ZBTB47: variants seen among roughly 807,000 people sequenced by gnomAD.
The protein encoded by ZBTB47 is zinc finger and BTB domain containing 47, also known as zinc finger and BTB domain-containing protein 47.
Under a neutral mutation model 56.6 loss-of-function variants are expected in ZBTB47, and 24 were observed. That is an observed-to-expected ratio of 0.42 (90% CI 0.31 to 0.60). The LOEUF is 0.60. Among genes scored for constraint, ZBTB47 ranks in the 20% least tolerant of loss-of-function variants. The pLI, the probability that ZBTB47 is intolerant of heterozygous loss-of-function variation, is 0.14. For missense variants in ZBTB47, 829 were observed against 1,032.6 expected, an observed-to-expected ratio of 0.80 and a Z score of 2.70; for synonymous variants, 414 against 418.9, an observed-to-expected ratio of 0.99 and a Z score of 0.14.
rs1710785347 is a variant in ZBTB47 at position 42,666,077 on chromosome 3, C to A, written c.*1479C>A. ...GTTAGGGGGACTGAACCCCTCTGAC[C>A]TTATGAGGCCCATGGCACTGGGGCA... is the stretch of plus-strand genomic sequence containing the variant. On this transcript the variant is annotated 3_prime_UTR_variant, in exon 6 of 6. Transcript: ENST00000232974. 6.6e-6 allele frequency among the ~76,000 whole-genome samples: 1 copy of A among 152,210 alleles called. No homozygotes were observed. Among genetic ancestry groups the A allele is most frequent in the South Asian group, 2.1e-4 (1 of 4,834 alleles).
intron 1 of ZBTB47, among the ~76,000 whole-genome samples, 195 bp from the exon 2 acceptor site, chr3:42,658,080 G>A (rs1710658916): frequency 6.6e-6 from 1 of 152,256 alleles, no homozygotes; most frequent in South Asian, 2.1e-4. Flanking sequence ...AGGGTCACGA[G>A]TGGAGCCTGA....
Position 42,666,867 on chromosome 3 carries a change from C to T in ZBTB47, c.*2269C>T, listed in dbSNP as rs551536072. 4.2e-4 allele frequency among the ~76,000 whole-genome samples: 64 copies of T among 152,314 alleles called. No individual in the cohort carries two copies. Among genetic ancestry groups the T allele is most frequent in the African/African-American group, 1.5e-3 (62 of 41,584 alleles). ...GCTTGACAGCTGGTCAAGACGGTCACGGGAGCTCTAGGTGGGCACAACCAA... is the reference window on the plus strand; with the variant it reads ...GCTTGACAGCTGGTCAAGACGGTCATGGGAGCTCTAGGTGGGCACAACCAA... On this transcript the variant is annotated 3_prime_UTR_variant, in exon 6 of 6. Coordinates refer to ENST00000232974, the MANE Select transcript of ZBTB47 (RefSeq NM_145166.4).
rs887205745 is a variant in ZBTB47 at position 42,665,915 on chromosome 3, C to T, written c.*1317C>T. 1 of 152,376 alleles carries T rather than the reference C, an allele frequency of 6.6e-6. No homozygotes were observed. Among genetic ancestry groups the T allele is most frequent in the Non-Finnish European group, 1.5e-5 (1 of 68,032 alleles). The allele number at this position is 152,376 out of a possible 1,614,324, so 9.4% of individuals were successfully genotyped here. Reference sequence around the variant, plus strand: ...GAAGGTTCCATAAGCTACATGTTTCCTAGTTAAGCTCTTTCCTATTGTGTT... The same window carrying T: ...GAAGGTTCCATAAGCTACATGTTTCTTAGTTAAGCTCTTTCCTATTGTGTT... On this transcript the variant is annotated 3_prime_UTR_variant, in exon 6 of 6. Coordinates refer to ENST00000232974, the MANE Select transcript of ZBTB47 (RefSeq NM_145166.4).
chr3:42,666,466 C>T lies in ZBTB47; in HGVS notation c.*1868C>T, dbSNP rs539187111. Reference sequence around the variant, plus strand: ...GGCTTCCGTGATGTCCTCAGGGTCCCCCCCTCCCTGTTGCTATTTTTAATC... The same window carrying T: ...GGCTTCCGTGATGTCCTCAGGGTCCTCCCCTCCCTGTTGCTATTTTTAATC... On this transcript the variant is annotated 3_prime_UTR_variant, in exon 6 of 6. Coordinates refer to ENST00000232974, the MANE Select transcript of ZBTB47 (RefSeq NM_145166.4). Among the ~76,000 whole-genome samples the T allele has an allele frequency of 6.6e-6, 1 of 151,922 alleles. No individual in the cohort carries two copies. The highest frequency in any genetic ancestry group is 6.5e-5 in the Admixed American group (1 of 15,284).
rs878970499 is a variant in ZBTB47, at chr3:42,664,432, G to A, written c.2078G>A (p.Gly693Asp). Reference protein sequence around the residue: ...FRVSHTLAGDGVPAAPGLPPT... With the variant: ...FRVSHTLAGDDVPAAPGLPPT... ...GTCAGCCACACCCTGGCCGGCGACGGCGTCCCCGCTGCCCCAGGCCTGCCC... is the reference window on the plus strand; with the variant it reads ...GTCAGCCACACCCTGGCCGGCGACGACGTCCCCGCTGCCCCAGGCCTGCCC... The change falls in exon 6 of 6, where the codon GGC (glycine) becomes GAC (aspartate). Residue 693 changes from glycine (G) to aspartate (D), a missense_variant. Gly to Asp is a moderately conservative substitution (Grantham distance 94). Transcript: ENST00000232974. The A allele has an allele frequency of 1.9e-6, 3 of 1,540,498 alleles. No homozygotes were observed. The highest frequency in any genetic ancestry group is 1.2e-5 in the South Asian group (1 of 83,676).
rs1348172123 is a variant in ZBTB47, at chr3:42,659,101, C to T, written c.746C>T (p.Thr249Met). ...AACAACCAGACACTGCACGTGTCCA[C>T]GGGGCCAGAGGGGAAGCCAGGTGCC... ...NLNNQTLHVS[T>M]GPEGKPGAGP... Residue 249 changes from threonine to methionine, a missense_variant, in exon 2 of 6, where the codon ACG (threonine) becomes ATG (methionine). Physicochemically the swap from Thr to Met is moderately conservative, Grantham distance 81. This residue lies in a region of ZBTB47 where 359 missense variants were observed against 359.8 expected (regional missense o/e 1.00). Transcript: ENST00000232974. 9.3e-6 allele frequency: 14 copies of T among 1,499,150 alleles called. No homozygotes were observed. The highest frequency in any genetic ancestry group is 2.8e-5 in the African/African-American group (2 of 72,014). 92.9% of individuals were successfully genotyped at this position (1,499,150 alleles called of 1,614,324 possible).
intron 1 of ZBTB47, among the ~76,000 whole-genome samples, chr3:42,655,450 G>C (rs1354289446): frequency 2.0e-5 from 3 of 152,192 alleles, no homozygotes; most frequent in African/African-American, 7.2e-5. Context: ...GCTCTGACTT[G>C]GGTGAGCAGC....
rs991370309 is a variant in ZBTB47 at position 42,667,491 on chromosome 3, C to T, written c.*2893C>T. ...TGTGTTGAGACCATTGACAACTGCT[C>T]GTGTACAGGCACCCCACAGCCCCAG... is the stretch of plus-strand genomic sequence containing the variant. On this transcript the variant is annotated 3_prime_UTR_variant, in exon 6 of 6. Coordinates refer to ENST00000232974, the MANE Select transcript of ZBTB47 (RefSeq NM_145166.4). Among the ~76,000 whole-genome samples, 5 of 152,192 alleles carry T rather than the reference C, an allele frequency of 3.3e-5. No individual in the cohort carries two copies. The highest frequency in any genetic ancestry group is 7.3e-5 in the Non-Finnish European group (5 of 68,034).
At position 42,658,840 on chromosome 3, in the gene ZBTB47, C is replaced by G; in HGVS notation, c.485C>G (p.Pro162Arg). The G allele has an allele frequency of 2.6e-6, 4 of 1,533,086 alleles. No homozygotes were observed. The South Asian group carries it at 4.8e-5, about 18-fold the overall frequency. The allele number at this position is 1,533,086 out of a possible 1,614,324, so 95.0% of individuals were successfully genotyped here. A position where few individuals can be genotyped will look rare whatever the true frequency, so the allele number is the denominator to read the frequency against. Residue 162 changes from proline (P) to arginine (R), a missense_variant, in exon 2 of 6, where the codon CCT (proline) becomes CGT (arginine). By Grantham distance (103) the Pro-to-Arg change is moderately radical. Coordinates refer to ENST00000232974, the MANE Select transcript of ZBTB47 (RefSeq NM_145166.4). Reference sequence around the variant, plus strand: ...ATCTATGCCCGCGAGGGCCCTGACCCTTACTCGGTGCGTGTTGAGGACGGG... The same window carrying G: ...ATCTATGCCCGCGAGGGCCCTGACCGTTACTCGGTGCGTGTTGAGGACGGG... ...PKIYAREGPD[P>R]YSVRVEDGAG...
In ZBTB47 at chr3:42,659,397, G is replaced by A; in HGVS notation, c.1042G>A (p.Glu348Lys). The A allele has an allele frequency of 2.1e-6, 3 of 1,425,814 alleles. No individual in the cohort carries two copies. The highest frequency in any genetic ancestry group is 2.7e-6 in the Non-Finnish European group (3 of 1,091,404). The allele number at this position is 1,425,814 out of a possible 1,614,324, so 88.3% of individuals were successfully genotyped here. The change falls in exon 2 of 6, where the codon GAG becomes AAG. Residue 348 changes from glutamate to lysine, a missense_variant. Transcript: ENST00000232974. ...GCAGGATCAAGAGAGCTCTGAGGAGGAGGAGGGGGAGGAGGGGGAGGCTGG... is the reference window on the plus strand; with the variant it reads ...GCAGGATCAAGAGAGCTCTGAGGAGAAGGAGGGGGAGGAGGGGGAGGCTGG... ...SEQDQESSEE[E>K]EGEEGEAGGK...
rs536302489 is a variant in ZBTB47, at chr3:42,656,603, G to C, written c.-81-1672G>C. On this transcript the variant is annotated intron_variant, in intron 1 of 5. Transcript: ENST00000232974. The surrounding 1 kb of genome is among the most constrained non-coding windows in gnomAD (Gnocchi z 5.8). Reference sequence around the variant, plus strand: ...AAGGAAGATGGTAGCCTTGGCCAGGGGCCTGGCCAGACTGGGATGTGAGGG... The same window carrying C: ...AAGGAAGATGGTAGCCTTGGCCAGGCGCCTGGCCAGACTGGGATGTGAGGG... Among the ~76,000 whole-genome samples, 73 of 152,204 alleles carry C rather than the reference G, an allele frequency of 4.8e-4. No homozygotes were observed. The highest frequency in any genetic ancestry group is 1.5e-3 in the African/African-American group (64 of 41,538).
chr3:42,654,464 CCCGCGCCCCCCGCCCG>C lies in ZBTB47; in HGVS notation c.-82+590_-82+605del, dbSNP rs1005005563. On this transcript the variant is annotated intron_variant, in intron 1 of 5. Transcript: ENST00000232974. The surrounding 1 kb of genome is among the most constrained non-coding windows in gnomAD (Gnocchi z 5.0). ...CTGACGCGCGGGCTCCAATCGGCGC[CCCGCGCCCCCCGCCCG>C]CCGCGCCCGAGGCTCTGGGGCCGCA... 1.1e-3 allele frequency: 160 copies of C among 151,124 alleles called. No individual in the cohort carries two copies. Among genetic ancestry groups the C allele is most frequent in the African/African-American group, 2.6e-3 (109 of 41,266 alleles). The allele number at this position is 151,124 out of a possible 1,614,324, so 9.4% of individuals were successfully genotyped here. A position where few individuals can be genotyped will look rare whatever the true frequency, so the allele number is the denominator to read the frequency against.
rs1469918237 is a variant in ZBTB47, at chr3:42,664,284, C to T, written c.1930C>T (p.Arg644Trp). 1.9e-6 allele frequency: 3 copies of T among 1,613,626 alleles called. No individual in the cohort carries two copies. The highest frequency in any genetic ancestry group is 2.2e-5 in the East Asian group (1 of 44,870). Residue 644 changes from arginine (R) to tryptophan (W), a missense_variant, in exon 6 of 6, where the codon CGG (arginine) becomes TGG (tryptophan). Arg to Trp is a moderately radical substitution (Grantham distance 101). Transcript: ENST00000232974. ...GATCTGTGGCAAGAGCTTCACCAGC[C>T]GGCCCAACATGAAGCGGCACCGGCG... is the stretch of plus-strand genomic sequence containing the variant. ...CEICGKSFTSRPNMKRHRRTH... is the reference protein window; with the variant it reads ...CEICGKSFTSWPNMKRHRRTH...
In ZBTB47 at chr3:42,656,347, C is replaced by T. The variant is rs1210886309; in HGVS notation, c.-81-1928C>T. Among the ~76,000 whole-genome samples, 2 of 152,118 alleles carry T rather than the reference C, an allele frequency of 1.3e-5. No individual in the cohort carries two copies. Among genetic ancestry groups the T allele is most frequent in the South Asian group, 2.1e-4 (1 of 4,830 alleles). ...TCTAGCAAGGAAGGGGTGGTCTTAGCGGAGCTGGGAGTCCAGGGGCTCTGG... is the reference window on the plus strand; with the variant it reads ...TCTAGCAAGGAAGGGGTGGTCTTAGTGGAGCTGGGAGTCCAGGGGCTCTGG... On this transcript the variant is annotated intron_variant, in intron 1 of 5. Transcript: ENST00000232974. This position sits in a 1 kb window ranked among gnomAD's most constrained non-coding sequence, Gnocchi z 5.8.
At chr3:42,655,350 T>C (rs140136709) in intron 1 of ZBTB47, among the ~76,000 whole-genome samples, 1 of 152,188 alleles carries the variant, frequency 6.6e-6, no homozygotes, top group African/African-American at 2.4e-5. Context: ...TCCCCAGGTT[T>C]CATCATGGGG....
Position 42,659,517 on chromosome 3 carries a change from C to G in ZBTB47, c.1162C>G (p.Arg388Gly), listed in dbSNP as rs775819382. 4 of 1,544,556 alleles carry G rather than the reference C, an allele frequency of 2.6e-6. No homozygotes were observed. The South Asian group carries it at 3.8e-5, about 15-fold the overall frequency. ...ACGGTCCCGGGAGAACGCCCGGCGC[C>G]GGGGTACCCCTGAACCTGAAGAAGC... ...ATRSRENARR[R>G]GTPEPEEAGR... The change falls in exon 2 of 6, where the codon CGG becomes GGG. Residue 388 changes from arginine to glycine, a missense_variant. Physicochemically the swap from Arg to Gly is moderately radical, Grantham distance 125 (BLOSUM62 -2). This residue lies in a region of ZBTB47 where 359 missense variants were observed against 359.8 expected (regional missense o/e 1.00). Transcript: ENST00000232974.
chr3:42,662,361 C>G (rs1710731873), intron 3 of ZBTB47, among the ~76,000 whole-genome samples: 1 of 152,336 alleles, frequency 6.6e-6, no homozygotes, highest in East Asian at 1.9e-4. Context: ...AAGCTGGGAC[C>G]CTGCGGCCTA....
Position 42,667,178 on chromosome 3 carries a change from G to A in ZBTB47, c.*2580G>A, listed in dbSNP as rs1019436457. Among the ~76,000 whole-genome samples, 4 of 152,264 alleles carry A rather than the reference G, an allele frequency of 2.6e-5. No homozygotes were observed. The highest frequency in any genetic ancestry group is 9.6e-5 in the African/African-American group (4 of 41,470). ...TACTCACTTTCCAGGGCTGGGGGAAGGGGGACGCAGGATCATCCCCTCCCA... is the reference window on the plus strand; with the variant it reads ...TACTCACTTTCCAGGGCTGGGGGAAAGGGGACGCAGGATCATCCCCTCCCA... On this transcript the variant is annotated 3_prime_UTR_variant, in exon 6 of 6. Transcript: ENST00000232974.
At position 42,666,585 on chromosome 3, in the gene ZBTB47, T is replaced by G. The variant is rs1488207688; in HGVS notation, c.*1987T>G. ...AGTGGGCTGTAGGCAGGGTCCTCCA[T>G]GGGTTTCCAACCCCCATCACTGGCA... On this transcript the variant is annotated 3_prime_UTR_variant, in exon 6 of 6. Transcript: ENST00000232974. 6.6e-6 allele frequency among the ~76,000 whole-genome samples: 1 copy of G among 152,172 alleles called. No homozygotes were observed. The highest frequency in any genetic ancestry group is 1.5e-5 in the Non-Finnish European group (1 of 68,032).
Sources: allele counts gnomAD v4.1 joint callset (sites outside exome capture counted in the v4.1 genomes callset), GRCh38; gene constraint gnomAD v4.1.1; regional missense constraint gnomAD v4.1.1; non-coding constraint Gnocchi (gnomAD v3.1); transcripts MANE v1.5; gene names NCBI Gene and HGNC (gene_info 2026-07-23, HGNC 2026-07-21).